NUP210: variants seen among roughly 807,000 people sequenced by gnomAD.
NUP210 encodes the protein nuclear pore membrane glycoprotein 210.
Under a neutral mutation model 196.0 loss-of-function variants are expected in NUP210, and 151 were observed. That is an observed-to-expected ratio of 0.77 (90% CI 0.67 to 0.88). The LOEUF (loss-of-function observed/expected upper bound fraction) is 0.88. Among genes scored for constraint, NUP210 ranks in the 40% least tolerant of loss-of-function variants. The pLI is 0.00. For synonymous variants in NUP210, 1,070 were observed against 1,052.7 expected (o/e 1.02, Z -0.32); for missense variants, 2,314 against 2,493.7 (o/e 0.93, Z 1.53).
chr3:13,326,190 C>T (rs1176062277), intron 32 of NUP210, among the ~76,000 whole-genome samples: 1 of 152,258 alleles, frequency 6.6e-6, no homozygotes, highest in African/African-American at 2.4e-5. Flanking sequence ...ACCTGCTCTC[C>T]CTGACCCACA....
chr3:13,366,765 C>G lies in NUP210; in HGVS notation c.1787-674G>C, dbSNP rs573893024. On this transcript the variant is annotated intron_variant, in intron 13 of 39. Coordinates refer to ENST00000254508, the MANE Select transcript of NUP210 (RefSeq NM_024923.4). The stretch of plus-strand genomic sequence containing the variant: ...ATCTCCTGACCTCATTATCCACCCC[C>G]CTCAGCCTCCCAAAGTGCTGGAATT... 4.0e-5 allele frequency among the ~76,000 whole-genome samples: 6 copies of G among 151,698 alleles called. No homozygotes were observed. The East Asian group carries it at 7.9e-4, about 20-fold the overall frequency.
chr3:13,366,081 C>A lies in NUP210; in HGVS notation c.1797G>T (p.Pro599=). 6.2e-7 allele frequency: 1 copy of A among 1,613,536 alleles called. No individual in the cohort carries two copies. Among genetic ancestry groups the A allele is most frequent in the African/African-American group, 1.3e-5 (1 of 75,022 alleles). The change falls in exon 14 of 40, where the codon CCG becomes CCT. Residue 599 remains proline, a synonymous_variant. Transcript: ENST00000254508. Reference sequence around the variant, plus strand: ...TGCCGCTGCAGTGCTCAGAGCCTGGCGGCAGCCTCCCTACAGAAAGGAGAG... The same window carrying A: ...TGCCGCTGCAGTGCTCAGAGCCTGGAGGCAGCCTCCCTACAGAAAGGAGAG... ...GVFQPLPGRL[P]PGSEHCSGIR...
Position 13,384,621 on chromosome 3 carries a change from C to T in NUP210, c.817+1654G>A, listed in dbSNP as rs550761736. ...AAGAAAAGCACTTACAACTGCCCAACACTGAGGAAATGTTCAGTCATGGTT... is the reference window on the plus strand; with the variant it reads ...AAGAAAAGCACTTACAACTGCCCAATACTGAGGAAATGTTCAGTCATGGTT... On this transcript the variant is annotated intron_variant, in intron 6 of 39. Transcript: ENST00000254508. 3.9e-5 allele frequency among the ~76,000 whole-genome samples: 6 copies of T among 152,366 alleles called. No homozygotes were observed. In the East Asian group the frequency reaches 9.6e-4, roughly 24 times the overall value.
chr3:13,341,712 G>A, intron 23 of NUP210, 36 bp downstream of exon 23: 1 of 1,612,446 alleles, frequency 6.2e-7, no homozygotes, highest in Non-Finnish European at 8.5e-7. Context: ...CCAGCACTGG[G>A]CTGATCCCAC....
intron 9 of NUP210, 26 bp from the exon 10 acceptor site, chr3:13,376,457 G>C (rs1698913094): frequency 1.2e-6 from 2 of 1,613,694 alleles, no homozygotes; most frequent in Admixed American, 1.7e-5. Context: ...GGACAGGAGA[G>C]AGGTGCTTCT....
intron 3 of NUP210, among the ~76,000 whole-genome samples, chr3:13,395,314 C>T (rs1180255525): frequency 6.6e-6 from 1 of 152,164 alleles, no homozygotes; most frequent in Non-Finnish European, 1.5e-5. Flanking sequence ...CTGGCCAGGA[C>T]GTGGAGATCA....
intron 37 of NUP210, 87 bp downstream of exon 37, chr3:13,319,676 C>T: frequency 1.8e-6 from 2 of 1,128,528 alleles, no homozygotes; most frequent in Non-Finnish European, 2.6e-6. Context: ...ATTTCTTACA[C>T]CTCAGGTTTC....
At chr3:13,358,953 A>T (rs1403959897) in intron 15 of NUP210, among the ~76,000 whole-genome samples, 1 of 152,210 alleles carries the variant, frequency 6.6e-6, no homozygotes, top group African/African-American at 2.4e-5. Context: ...TGGTGCAAGA[A>T]AAGAGGGAAA....
In NUP210 at chr3:13,328,751, G is replaced by A. The variant is rs752036148; in HGVS notation, c.4286+20C>T. ...CCAGACAGGACTTCATAGGAGAAAT[G>A]ACCCTTGCCCACATCCTACCTGTTA... is the stretch of plus-strand genomic sequence containing the variant. On this transcript the variant is annotated intron_variant, in intron 31 of 39. Transcript: ENST00000254508. The A allele has an allele frequency of 3.1e-6, 5 of 1,610,298 alleles. No homozygotes were observed. Among genetic ancestry groups the A allele is most frequent in the African/African-American group, 1.3e-5 (1 of 74,850 alleles).
At chr3:13,373,569 G>T in intron 12 of NUP210, 149 bp downstream of exon 12, 1 of 701,996 alleles carries the variant, frequency 1.4e-6, no homozygotes. Context: ...ATGGCCGTGA[G>T]CTCCTAAGGG....
intron 14 of NUP210, among the ~76,000 whole-genome samples, chr3:13,362,979 T>A (rs1264039635): frequency 2.0e-5 from 3 of 152,174 alleles, no homozygotes; most frequent in Non-Finnish European, 4.4e-5. Flanking sequence ...GGATATACCA[T>A]CATTTGCTTC....
intron 39 of NUP210, among the ~76,000 whole-genome samples, chr3:13,318,350 G>T (rs528346030): frequency 6.6e-6 from 1 of 152,178 alleles, no homozygotes; most frequent in Non-Finnish European, 1.5e-5. Context: ...TCAGGCAGAA[G>T]ACAAGGGCGT....
At position 13,317,783 on chromosome 3, in the gene NUP210, T is replaced by C. The variant is rs767906021; in HGVS notation, c.5564-2A>G. 43 of 1,602,002 alleles carry C rather than the reference T, an allele frequency of 2.7e-5. No homozygotes were observed. The highest frequency in any genetic ancestry group is 3.4e-5 in the Non-Finnish European group (40 of 1,172,960). The stretch of plus-strand genomic sequence containing the variant: ...ATGTGGGTGATGAGGCAGCGAAATC[T>C]AGGGTGGGAAGAGAGACGATGTTAG... On this transcript the variant is annotated splice_acceptor_variant, in intron 39 of 39. Transcript: ENST00000254508. LOFTEE classifies it high-confidence loss of function.
intron 3 of NUP210, among the ~76,000 whole-genome samples, chr3:13,395,522 T>C (rs889062252): frequency 1.3e-5 from 2 of 152,222 alleles, no homozygotes; most frequent in African/African-American, 4.8e-5. Flanking sequence ...TTCACCATGT[T>C]GGCCAAGCTG....
intron 20 of NUP210, 36 bp from the exon 21 acceptor site, chr3:13,343,339 T>TGGGGGGGGGGTG: frequency 7.1e-6 from 2 of 282,522 alleles, no homozygotes; most frequent in Non-Finnish European, 1.2e-5. Flanking sequence ...GGGTGGGTGG[T>TGGGGGGGGGGTG]GGGTTACGCA....
rs1227927274 is a variant in NUP210 at position 13,339,594 on chromosome 3, G to T, written c.3471+260C>A. 4.6e-5 allele frequency among the ~76,000 whole-genome samples: 7 copies of T among 152,348 alleles called. 1 individual carries two copies. The South Asian group carries it at 1.0e-3, about 23-fold the overall frequency. On this transcript the variant is annotated intron_variant, in intron 25 of 39. Coordinates refer to ENST00000254508, the MANE Select transcript of NUP210 (RefSeq NM_024923.4). ...CCACTGGAAGGGCCCTTTGGGGCCG[G>T]GAGTTGCTGAACACCCTGTCCCATA... is the stretch of plus-strand genomic sequence containing the variant.
rs965015350 is a variant in NUP210, at chr3:13,319,830, C to T, written c.5316G>A (p.Val1772=). 2 of 1,614,112 alleles carry T rather than the reference C, an allele frequency of 1.2e-6. No homozygotes were observed. The highest frequency in any genetic ancestry group is 2.7e-5 in the African/African-American group (2 of 74,948). Reference sequence around the variant, plus strand: ...CTGGGATGGCAATGGCTTGGTTGGTCACGGGGCTGGAGAAGGTCAGGGTAG... The same window carrying T: ...CTGGGATGGCAATGGCTTGGTTGGTTACGGGGCTGGAGAAGGTCAGGGTAG... ...LSTTLTFSSP[V]TNQAIAIPVT... Residue 1772 remains valine, a synonymous_variant, in exon 37 of 40, where the codon GTG becomes GTA. Transcript: ENST00000254508.
rs1042923660 is a variant in NUP210 at position 13,381,137 on chromosome 3, G to A, written c.818-1416C>T. On this transcript the variant is annotated intron_variant, in intron 6 of 39. Transcript: ENST00000254508. ...TTGCAGATTATGTGTCTAGTGTTCA[G>A]AATATGGAGCAGTGCATCAAAGATA... 1.6e-4 allele frequency among the ~76,000 whole-genome samples: 25 copies of A among 152,346 alleles called. 3 individuals carry two copies. The highest frequency in any genetic ancestry group is 8.5e-4 in the Admixed American group (13 of 15,302).
intron 16 of NUP210, 119 bp downstream of exon 16, chr3:13,358,102 AG>A (rs1038593206): frequency 1.4e-5 from 12 of 869,196 alleles, no homozygotes; most frequent in Non-Finnish European, 2.1e-5. Context: ...GTTGAGACGA[AG>A]GAAGTGCAGC....
Sources: gnomAD v4.1 joint callset for allele counts (sites outside exome capture counted in the v4.1 genomes callset) on GRCh38, gnomAD v4.1.1 for gene constraint, MANE v1.5 for transcripts, NCBI Gene and HGNC (gene_info 2026-07-23, HGNC 2026-07-21) for gene names.